PHYHIPL: variants seen among roughly 807,000 people sequenced by gnomAD.
PHYHIPL encodes phytanoyl-CoA 2-hydroxylase interacting protein like, also known as phytanoyl-CoA hydroxylase-interacting protein-like.
Under a neutral mutation model 33.4 loss-of-function variants are expected in PHYHIPL, and 9 were observed. That is an observed-to-expected ratio of 0.27 (90% confidence interval 0.16 to 0.47). The LOEUF (loss-of-function observed/expected upper bound fraction) is 0.47. PHYHIPL is among the 20% of genes least tolerant of loss of function. The pLI is 0.99. For synonymous variants in PHYHIPL, 153 were observed against 154.1 expected, an observed-to-expected ratio of 0.99 and a Z score of 0.05; for missense variants, 365 against 460.7, an observed-to-expected ratio of 0.79 and a Z score of 1.90.
At chr10:59,177,759 T>C (rs578257272) in intron 1 of PHYHIPL, 2 of 1,008,620 alleles carry the variant, frequency 2.0e-6, no homozygotes, top group South Asian at 2.9e-5. Context: ...TTAGTTACAG[T>C]GCTTCTGGGT....
At chr10:59,184,348 T>C (rs1706364840) in intron 1 of PHYHIPL, among the ~76,000 whole-genome samples, 1 of 152,212 alleles carries the variant, frequency 6.6e-6, no homozygotes, top group South Asian at 2.1e-4. Context: ...TAGACCTTTA[T>C]AGGAAAAGTT....
At chr10:59,176,562 T>A, upstream of PHYHIPL, 1 of 91,918 alleles carries the variant, frequency 1.1e-5, no homozygotes, top group Non-Finnish European at 1.7e-5. Context: ...GCCCTATACA[T>A]CACGTTCCCC....
intron 1 of PHYHIPL, among the ~76,000 whole-genome samples, chr10:59,212,913 A>T (rs1352433357): frequency 1.3e-5 from 2 of 152,186 alleles, no homozygotes; most frequent in African/African-American, 4.8e-5. Context: ...TAAATTAATG[A>T]TAAAGTATAA....
chr10:59,177,416 C>T (rs1434474330), intron 1 of PHYHIPL: 27 of 1,443,768 alleles, frequency 1.9e-5, no homozygotes, highest in African/African-American at 4.3e-5. Context: ...TTTTTTAAAC[C>T]TCCCATCCTC....
At chr10:59,206,705 TA>T in intron 1 of PHYHIPL, 1 of 878,918 alleles carries the variant, frequency 1.1e-6, no homozygotes, top group Non-Finnish European at 1.5e-6. Flanking sequence ...CAGAAAATTG[TA>T]AAAGTACATA....
chr10:59,209,161 T>C (rs1186242965), intron 1 of PHYHIPL, among the ~76,000 whole-genome samples: 1 of 152,024 alleles, frequency 6.6e-6, no homozygotes, highest in African/African-American at 2.4e-5. Flanking sequence ...GGAAAAAATG[T>C]TAAGGGCAGC....
intron 1 of PHYHIPL, among the ~76,000 whole-genome samples, chr10:59,199,528 T>C (rs1839032228): frequency 6.6e-6 from 1 of 152,196 alleles, no homozygotes; most frequent in South Asian, 2.1e-4. Context: ...AGGATTGTCT[T>C]GGCAATGAGG....
At chr10:59,234,283 C>T in intron 1 of PHYHIPL, 21 bp from the exon 2 acceptor site, 1 of 1,518,994 alleles carries the variant, frequency 6.6e-7, no homozygotes, top group African/African-American at 1.5e-5. Context: ...AATTAACTTC[C>T]TGTGCATTGT....
chr10:59,181,886 G>C (rs150883622), intron 1 of PHYHIPL, among the ~76,000 whole-genome samples: 5 of 152,284 alleles, frequency 3.3e-5, no homozygotes, highest in African/African-American at 1.2e-4. Context: ...AATGACTGAT[G>C]TGTTGTATGT....
At position 59,245,002 on chromosome 10, in the gene PHYHIPL, A is replaced by C. The variant is rs186134111; in HGVS notation, c.597-55A>C. On this transcript the variant is annotated intron_variant, in intron 4 of 4. Transcript: ENST00000373880. ...ACTTTTAGGCCATTCAAATATATAA[A>C]TCAGTGGGTTTACCACTATTGTATT... is the stretch of plus-strand genomic sequence containing the variant. The C allele has an allele frequency of 2.8e-4, 422 of 1,526,000 alleles. 2 individuals are homozygous for C. In the African/African-American group the frequency reaches 5.5e-3, roughly 20 times the overall value. 94.5% of individuals were successfully genotyped at this position (1,526,000 alleles called of 1,614,324 possible).
intron 1 of PHYHIPL, among the ~76,000 whole-genome samples, chr10:59,200,622 A>T (rs2133216778): frequency 6.6e-6 from 1 of 152,258 alleles, no homozygotes; most frequent in East Asian, 1.9e-4. Context: ...GAATAGTTTC[A>T]GAAGGAATGG....
chr10:59,226,159 A>G (rs1464690095), intron 1 of PHYHIPL, among the ~76,000 whole-genome samples: 3 of 152,192 alleles, frequency 2.0e-5, no homozygotes, highest in Non-Finnish European at 4.4e-5. Context: ...AGAGAACATT[A>G]GAAAATTAAT....
intron 1 of PHYHIPL, among the ~76,000 whole-genome samples, chr10:59,215,114 C>T (rs1294607590): frequency 6.6e-6 from 1 of 151,996 alleles, no homozygotes; most frequent in Non-Finnish European, 1.5e-5. Flanking sequence ...TAAATTCTTG[C>T]TCATTGTTAT....
chr10:59,213,916 G>A (rs1437448581), intron 1 of PHYHIPL, among the ~76,000 whole-genome samples: 1 of 152,094 alleles, frequency 6.6e-6, no homozygotes, highest in East Asian at 1.9e-4. Flanking sequence ...ACCACTAGTG[G>A]CATTGTCAGT....
At chr10:59,177,247 G>T in intron 1 of PHYHIPL, 1 of 587,324 alleles carries the variant, frequency 1.7e-6, no homozygotes, top group Non-Finnish European at 2.9e-6. Context: ...CCCGCTCGCG[G>T]CTCCTGCCCC....
At chr10:59,223,361 G>A (rs1839831896) in intron 1 of PHYHIPL, among the ~76,000 whole-genome samples, 1 of 152,042 alleles carries the variant, frequency 6.6e-6, no homozygotes, top group Admixed American at 6.6e-5. Flanking sequence ...CCTCTTTTGA[G>A]TGCTATCTTA....
chr10:59,209,152 GA>G (rs1235600533), intron 1 of PHYHIPL, among the ~76,000 whole-genome samples: 5 of 152,060 alleles, frequency 3.3e-5, no homozygotes, highest in Non-Finnish European at 7.4e-5. Context: ...TGAAATGAAG[GA>G]AAAAATGTTA....
chr10:59,184,910 T>G lies in PHYHIPL; in HGVS notation c.106+7951T>G, dbSNP rs576058572. 2.6e-5 allele frequency among the ~76,000 whole-genome samples: 4 copies of G among 151,920 alleles called. No homozygotes were observed. In the East Asian group the frequency reaches 7.7e-4, roughly 29 times the overall value. On this transcript the variant is annotated intron_variant, in intron 1 of 4. Coordinates refer to ENST00000373880, the MANE Select transcript of PHYHIPL (RefSeq NM_032439.4). ...TGAGAATGTGCAGTGTTTAGTTTTT[T>G]GTCCTTGCGATAGTTTGCTGAGAAT...
At position 59,245,645 on chromosome 10, in the gene PHYHIPL, T is replaced by C. The variant is rs1486320045; in HGVS notation, c.*54T>C. The C allele has an allele frequency of 6.7e-7, 1 of 1,494,002 alleles. No individual in the cohort carries two copies. Among genetic ancestry groups the C allele is most frequent in the African/African-American group, 1.4e-5 (1 of 71,322 alleles). 92.5% of individuals were successfully genotyped at this position (1,494,002 alleles called of 1,614,324 possible). A position where few individuals can be genotyped will look rare whatever the true frequency, so the allele number is the denominator to read the frequency against. The stretch of plus-strand genomic sequence containing the variant: ...CCTTTTCCTCCCTTAGGAGCATTGG[T>C]CCTCTGTTGTCCATTTTTATCACCA... On this transcript the variant is annotated 3_prime_UTR_variant, in exon 5 of 5. Transcript: ENST00000373880.
Sources: gnomAD v4.1 joint callset for allele counts (sites outside exome capture counted in the v4.1 genomes callset) on GRCh38, gnomAD v4.1.1 for gene constraint, MANE v1.5 for transcripts, NCBI Gene and HGNC (gene_info 2026-07-23, HGNC 2026-07-21) for gene names.